Variants in KCNA2 observed in about 807,000 individuals in gnomAD.
The protein encoded by KCNA2 is potassium voltage-gated channel subfamily A member 2.
A neutral mutation model predicts 33.4 loss-of-function variants in KCNA2; 11 were observed. The ratio of observed to expected loss-of-function variants is 0.33; its 90% CI spans 0.21 to 0.55. The LOEUF is 0.55. KCNA2 is among the 20% of genes least tolerant of loss of function. The pLI is 0.93. For synonymous variants in KCNA2, 222 were observed against 231.3 expected (o/e 0.96, Z 0.37); for missense variants, 291 against 621.6 (o/e 0.47, Z 5.66).
At position 110,600,421 on chromosome 1, in the gene KCNA2, G is replaced by A. The variant is rs995316135; in HGVS notation, c.*2862C>T. ...GGTTGTATATTTGTATGTGGTGTAT[G>A]TTTGTCTTTTGTGTATGTTCTGTGT... On this transcript the variant is annotated 3_prime_UTR_variant, in exon 3 of 3. Transcript: ENST00000316361. The A allele has an allele frequency of 5.1e-6, 5 of 984,868 alleles. No homozygotes were observed. Among genetic ancestry groups the A allele is most frequent in the Non-Finnish European group, 6.0e-6 (5 of 829,806 alleles). The allele number at this position is 984,868 out of a possible 1,614,324, so 61.0% of individuals were successfully genotyped here.
chr1:110,628,617 T>C (rs1233788997), intron 1 of KCNA2, among the ~76,000 whole-genome samples: 1 of 152,208 alleles, frequency 6.6e-6, no homozygotes, highest in Non-Finnish European at 1.5e-5. Flanking sequence ...ATCTGGTGCC[T>C]GACTTAAACA....
At chr1:110,610,669 A>C (rs1343712429), upstream of KCNA2, among the ~76,000 whole-genome samples, 1 of 152,202 alleles carries the variant, frequency 6.6e-6, no homozygotes, top group African/African-American at 2.4e-5. Flanking sequence ...TTTTACTGTT[A>C]GCTCAGTGCC....
rs1649300741 is a variant in KCNA2, at chr1:110,600,657, A to G, written c.*2626T>C. On this transcript the variant is annotated 3_prime_UTR_variant, in exon 3 of 3. Transcript: ENST00000316361. ...TGGGCCAAGGACACTGTGATAAGAT[A>G]TCTATCCCTGACCTAGGCCTCAGAT... is the stretch of plus-strand genomic sequence containing the variant. 1.0e-6 allele frequency: 1 copy of G among 985,262 alleles called. No homozygotes were observed. Among genetic ancestry groups the G allele is most frequent in the Non-Finnish European group, 1.2e-6 (1 of 829,930 alleles). 61.0% of individuals were successfully genotyped at this position (985,262 alleles called of 1,614,324 possible). A position where few individuals can be genotyped will look rare whatever the true frequency, so the allele number is the denominator to read the frequency against.
chr1:110,602,038 C>G lies in KCNA2; in HGVS notation c.*1245G>C. On this transcript the variant is annotated 3_prime_UTR_variant, in exon 3 of 3. Coordinates refer to ENST00000316361, the MANE Select transcript of KCNA2 (RefSeq NM_004974.4). ...ACACTGGATCCACAGACCTGCCTGT[C>G]ATCAGGACCAGATGCCCTGGTCCAC... 3 of 1,550,306 alleles carry G rather than the reference C, an allele frequency of 1.9e-6. No homozygotes were observed. The highest frequency in any genetic ancestry group is 2.6e-6 in the Non-Finnish European group (3 of 1,146,866).
chr1:110,604,529 A>G lies in KCNA2; in HGVS notation c.254T>C (p.Phe85Ser). 6.2e-7 allele frequency: 1 copy of G among 1,614,216 alleles called. No homozygotes were observed. The highest frequency in any genetic ancestry group is 8.5e-7 in the Non-Finnish European group (1 of 1,180,034). The change falls in exon 3 of 3, where the codon TTT (phenylalanine) becomes TCT (serine). Residue 85 changes from phenylalanine to serine, a missense_variant. This residue lies in a region of KCNA2 where 163 missense variants were observed against 273.5 expected (regional missense o/e 0.60). Transcript: ENST00000316361. This position sits in a 1 kb window ranked among gnomAD's most constrained non-coding sequence, Gnocchi z 7.6. Reference sequence around the variant, plus strand: ...CTGGTAGTAGTACAAAATGGCATCAAAGCTAGGGCGGTTCCGATCGAAAAA... The same window carrying G: ...CTGGTAGTAGTACAAAATGGCATCAGAGCTAGGGCGGTTCCGATCGAAAAA... ...EYFFDRNRPS[F>S]DAILYYYQSG...
intron 1 of KCNA2, among the ~76,000 whole-genome samples, chr1:110,616,329 CA>C (rs535330640): frequency 7.4e-4 from 112 of 152,212 alleles, no homozygotes; most frequent in African/African-American, 2.7e-3. Flanking sequence ...TAGTCAGGGT[CA>C]GGGGCCGTGG....
upstream of KCNA2, chr1:110,606,674 AGCC>A (rs1649644622): frequency 6.6e-6 from 1 of 152,256 alleles, no homozygotes; most frequent in Non-Finnish European, 1.5e-5. Context: ...CCCGGCGTCC[AGCC>A]GAGGGACCGC....
chr1:110,614,459 A>G (rs920838488), intron 1 of KCNA2, among the ~76,000 whole-genome samples: 3 of 152,242 alleles, frequency 2.0e-5, no homozygotes, highest in African/African-American at 7.2e-5. Context: ...TCTAAGCCCC[A>G]CGTCCTTCTT....
In KCNA2 at chr1:110,597,049, C is replaced by A. The variant is rs371279611; in HGVS notation, c.*6234G>T. The A allele has an allele frequency of 2.9e-5, 29 of 985,452 alleles. No individual in the cohort carries two copies. The East Asian group carries it at 4.5e-4, about 15-fold the overall frequency. 61.0% of individuals were successfully genotyped at this position (985,452 alleles called of 1,614,324 possible). A position where few individuals can be genotyped will look rare whatever the true frequency, so the allele number is the denominator to read the frequency against. ...TGTCATGCCCTAACCACCCAAACTT[C>A]TATCCCTGTAGACTTCTACTGAAAC... is the stretch of plus-strand genomic sequence containing the variant. On this transcript the variant is annotated 3_prime_UTR_variant, in exon 3 of 3. Transcript: ENST00000316361.
In KCNA2 at chr1:110,602,176, T is replaced by C. The variant is rs1424562612; in HGVS notation, c.*1107A>G. 6.5e-7 allele frequency: 1 copy of C among 1,550,294 alleles called. No individual in the cohort carries two copies. The highest frequency in any genetic ancestry group is 2.0e-5 in the Admixed American group (1 of 50,984). On this transcript the variant is annotated 3_prime_UTR_variant, in exon 3 of 3. Coordinates refer to ENST00000316361, the MANE Select transcript of KCNA2 (RefSeq NM_004974.4). Reference sequence around the variant, plus strand: ...CTTTGCAGAGGTCTGCGTTCCTGTTTAGAAGAACAGGGATAGGTAGGCTGG... The same window carrying C: ...CTTTGCAGAGGTCTGCGTTCCTGTTCAGAAGAACAGGGATAGGTAGGCTGG...
At position 110,600,349 on chromosome 1, in the gene KCNA2, T is replaced by C. The variant is rs1225015125; in HGVS notation, c.*2934A>G. 4.0e-5 allele frequency: 39 copies of C among 984,582 alleles called. No homozygotes were observed. The highest frequency in any genetic ancestry group is 4.6e-5 in the Non-Finnish European group (38 of 829,834). 61.0% of individuals were successfully genotyped at this position (984,582 alleles called of 1,614,324 possible). A position where few individuals can be genotyped will look rare whatever the true frequency, so the allele number is the denominator to read the frequency against. ...AGCCTTTGTGTATCTTATATGCATA[T>C]GCATTTTGTCCATGTAGTTTTTTAT... On this transcript the variant is annotated 3_prime_UTR_variant, in exon 3 of 3. Coordinates refer to ENST00000316361, the MANE Select transcript of KCNA2 (RefSeq NM_004974.4).
At position 110,604,743 on chromosome 1, in the gene KCNA2, C is replaced by T; in HGVS notation, c.40G>A (p.Ala14Thr). 2 of 1,613,886 alleles carry T rather than the reference C, an allele frequency of 1.2e-6. No individual in the cohort carries two copies. Among genetic ancestry groups the T allele is most frequent in the Non-Finnish European group, 1.7e-6 (2 of 1,179,916 alleles). Reference sequence around the variant, plus strand: ...GTGTCCTGTGGGTGCCCAGGGAGGGCAGCAGCCTCGTCTGCTGGGTCTCCG... The same window carrying T: ...GTGTCCTGTGGGTGCCCAGGGAGGGTAGCAGCCTCGTCTGCTGGGTCTCCG... ...ATGDPADEAAALPGHPQDTYD... is the reference protein window; with the variant it reads ...ATGDPADEAATLPGHPQDTYD... The change falls in exon 3 of 3, where the codon GCC (alanine) becomes ACC (threonine). Residue 14 changes from alanine to threonine, a missense_variant. Around this residue, in one of 5 missense-constraint regions of KCNA2, gnomAD observed 163 missense variants for 273.5 expected, o/e 0.60. Coordinates refer to ENST00000316361, the MANE Select transcript of KCNA2 (RefSeq NM_004974.4). The surrounding 1 kb of genome is among the most constrained non-coding windows in gnomAD (Gnocchi z 7.6).
Position 110,604,628 on chromosome 1 carries a change from G to T in KCNA2, c.155C>A (p.Ala52Asp). The T allele has an allele frequency of 1.2e-6, 2 of 1,614,202 alleles. No individual in the cohort carries two copies. The highest frequency in any genetic ancestry group is 1.7e-6 in the Non-Finnish European group (2 of 1,180,032). ...LRFETQLKTL[A>D]QFPETLLGDP... The stretch of plus-strand genomic sequence containing the variant: ...CCCTAAGAGGGTCTCTGGAAACTGG[G>T]CTAAGGTCTTTAGCTGGGTCTCAAA... Residue 52 changes from alanine (A) to aspartate (D), a missense_variant, in exon 3 of 3, where the codon GCC (alanine) becomes GAC (aspartate). Ala to Asp is a moderately radical substitution (Grantham distance 126). Transcript: ENST00000316361. This position sits in a 1 kb window ranked among gnomAD's most constrained non-coding sequence, Gnocchi z 7.6.
Position 110,601,454 on chromosome 1 carries a change from A to G in KCNA2, c.*1829T>C. The G allele has an allele frequency of 1.0e-6, 1 of 985,522 alleles. No individual in the cohort carries two copies. The highest frequency in any genetic ancestry group is 1.7e-5 in the African/African-American group (1 of 57,350). 61.0% of individuals were successfully genotyped at this position (985,522 alleles called of 1,614,324 possible). On this transcript the variant is annotated 3_prime_UTR_variant, in exon 3 of 3. Coordinates refer to ENST00000316361, the MANE Select transcript of KCNA2 (RefSeq NM_004974.4). Reference sequence around the variant, plus strand: ...GATCCAAGTGGCAAGGGAAGAGGTGAAAATGGAGATGATGAACAGGATGAA... The same window carrying G: ...GATCCAAGTGGCAAGGGAAGAGGTGGAAATGGAGATGATGAACAGGATGAA...
chr1:110,603,769 C>A lies in KCNA2; in HGVS notation c.1014G>T (p.Gly338=), dbSNP rs975996921. 1 of 1,613,918 alleles carries A rather than the reference C, an allele frequency of 6.2e-7. No individual in the cohort carries two copies. The highest frequency in any genetic ancestry group is 2.2e-5 in the East Asian group (1 of 44,884). The change falls in exon 3 of 3, where the codon GGG becomes GGT. Residue 338 remains glycine, a synonymous_variant. Coordinates refer to ENST00000316361, the MANE Select transcript of KCNA2 (RefSeq NM_004974.4). This position sits in a 1 kb window ranked among gnomAD's most constrained non-coding sequence, Gnocchi z 5.7. ...ACACAGCACTAGAGAAAAGGATGAC[C>A]CCTATGAAGAGAAAGAATATCAGGA... ...LGLLIFFLFI[G]VILFSSAVYF...
At position 110,620,089 on chromosome 1, in the gene KCNA2, T is replaced by TGA. The variant is rs1491246683; in HGVS notation, c.-496+11304_-496+11305dup. On this transcript the variant is annotated intron_variant, in intron 1 of 4. Coordinates refer to the KCNA2 transcript ENST00000369770. ...GAGAGAGAGAGAGAGAGAGAGAGAG[T>TGA]GAGTGAGAGAGAGAGAGAGAAATTT... is the stretch of plus-strand genomic sequence containing the variant. Among the ~76,000 whole-genome samples the TGA allele has an allele frequency of 9.1e-3, 916 of 100,810 alleles. 13 individuals carry two copies. Among genetic ancestry groups the TGA allele is most frequent in the African/African-American group, 0.029 (861 of 29,638 alleles). The allele number at this position is 100,810 out of a possible 152,430, so 66.1% of individuals were successfully genotyped here.
Position 110,597,491 on chromosome 1 carries a change from GAC to G in KCNA2, c.*5790_*5791del. 1.0e-6 allele frequency: 1 copy of G among 985,380 alleles called. No individual in the cohort carries two copies. Among genetic ancestry groups the G allele is most frequent in the Non-Finnish European group, 1.2e-6 (1 of 829,900 alleles). The allele number at this position is 985,380 out of a possible 1,614,324, so 61.0% of individuals were successfully genotyped here. A position where few individuals can be genotyped will look rare whatever the true frequency, so the allele number is the denominator to read the frequency against. ...GAAATGGGGAGACAGAGGGAGAGGG[GAC>G]AGAGACACACATGGAGACAGAGAGG... is the stretch of plus-strand genomic sequence containing the variant. On this transcript the variant is annotated 3_prime_UTR_variant, in exon 3 of 3. Transcript: ENST00000316361.
rs192753364 is a variant in KCNA2 at position 110,624,075 on chromosome 1, G to A, written c.-496+7320C>T. Among the ~76,000 whole-genome samples, 506 of 152,324 alleles carry A rather than the reference G, an allele frequency of 3.3e-3. 5 individuals are homozygous for A. Among genetic ancestry groups the A allele is most frequent in the African/African-American group, 0.012 (481 of 41,590 alleles). On this transcript the variant is annotated intron_variant, in intron 1 of 4. Coordinates refer to the KCNA2 transcript ENST00000369770. The stretch of plus-strand genomic sequence containing the variant: ...AATGTAAAATGGTGAATCTACTTTG[G>A]TAAATAATTTGTAGTTTCTTTACAA...
At chr1:110,615,084 C>T (rs1396430760) in intron 1 of KCNA2, among the ~76,000 whole-genome samples, 1 of 152,142 alleles carries the variant, frequency 6.6e-6, no homozygotes, top group Non-Finnish European at 1.5e-5. Flanking sequence ...GACTCTGAGG[C>T]CTTGCAGAAA....
Sources: gnomAD v4.1 joint callset for allele counts (sites outside exome capture counted in the v4.1 genomes callset) on GRCh38, gnomAD v4.1.1 for gene constraint, gnomAD v4.1.1 regional missense constraint, Gnocchi (gnomAD v3.1) non-coding constraint, MANE v1.5 for transcripts, NCBI Gene and HGNC (gene_info 2026-07-23, HGNC 2026-07-21) for gene names.